The following NEGR1 variants were observed in gnomAD, a reference collection of about 807,000 sequenced individuals.
NEGR1 encodes the protein IgLON family member 4.
NEGR1 carries 10 observed loss-of-function variants against 40.9 expected under a neutral mutation model. The ratio of observed to expected loss-of-function variants is 0.24; its 90% CI spans 0.15 to 0.42. The LOEUF (loss-of-function observed/expected upper bound fraction) is 0.42, where lower values mean the gene tolerates loss of function less well. Among genes scored for constraint, NEGR1 ranks in the 10% least tolerant of loss-of-function variants. The pLI, the probability that NEGR1 is intolerant of heterozygous loss-of-function variation, is 1.00. For synonymous variants in NEGR1, 185 were observed against 166.8 expected (o/e 1.11, Z -0.84); for missense variants, 352 against 438.9 (o/e 0.80, Z 1.77).
intron 1 of NEGR1, among the ~76,000 whole-genome samples, chr1:72,110,259 A>G (rs1649309502): frequency 1.3e-5 from 2 of 151,056 alleles, no homozygotes; most frequent in Non-Finnish European, 3.0e-5. Flanking sequence ...TGTGTATAAA[A>G]ATTATATACA....
chr1:71,491,695 G>T (rs1646928820), intron 6 of NEGR1, among the ~76,000 whole-genome samples: 1 of 151,862 alleles, frequency 6.6e-6, no homozygotes, highest in South Asian at 2.1e-4. Context: ...CACATTTCCA[G>T]CCTGTGTGTA....
chr1:71,784,928 G>C (rs1656857404), intron 2 of NEGR1, among the ~76,000 whole-genome samples: 1 of 152,178 alleles, frequency 6.6e-6, no homozygotes, highest in African/African-American at 2.4e-5. Context: ...CTCGCATGCT[G>C]TACAAACATT....
rs534945706 is a variant in NEGR1 at position 71,443,397 on chromosome 1, C to A, written c.941-35827G>T. Among the ~76,000 whole-genome samples, 22 of 152,212 alleles carry A rather than the reference C, an allele frequency of 1.4e-4. No individual in the cohort carries two copies. In the South Asian group the frequency reaches 3.7e-3, roughly 26 times the overall value. On this transcript the variant is annotated intron_variant, in intron 6 of 6. Transcript: ENST00000357731. ...CCTAAAAATACGTTGCTATCTAATG[C>A]CTTTTACTTTAAATTAATATTTAAA... is the stretch of plus-strand genomic sequence containing the variant.
chr1:71,928,717 A>G (rs903480799), intron 2 of NEGR1, among the ~76,000 whole-genome samples: 2 of 151,906 alleles, frequency 1.3e-5, no homozygotes, highest in African/African-American at 4.8e-5. Context: ...GATCAATAGA[A>G]ATAGAAAAAT....
intron 6 of NEGR1, among the ~76,000 whole-genome samples, chr1:71,566,469 T>C (rs925078214): frequency 6.6e-6 from 1 of 152,190 alleles, no homozygotes. Flanking sequence ...GCTGTGGTGG[T>C]CTGTGTGCAT....
intron 4 of NEGR1, among the ~76,000 whole-genome samples, chr1:71,651,446 A>G (rs1301046956): frequency 6.6e-6 from 1 of 152,182 alleles, no homozygotes; most frequent in Non-Finnish European, 1.5e-5. Flanking sequence ...AGAAATGCAG[A>G]GTCTATAAAC....
rs374025888 is a variant in NEGR1, at chr1:71,407,222, G to A, written c.*224C>T. On this transcript the variant is annotated 3_prime_UTR_variant, in exon 7 of 7. Coordinates refer to ENST00000357731, the MANE Select transcript of NEGR1 (RefSeq NM_173808.3). The stretch of plus-strand genomic sequence containing the variant: ...CTAAAAGTAATTTCAGAGCTTTCAC[G>A]TCTTAAAAAAAGGACAATGTGTACT... The A allele has an allele frequency of 3.4e-4, 121 of 354,284 alleles. No individual in the cohort carries two copies. Among genetic ancestry groups the A allele is most frequent in the African/African-American group, 2.0e-3 (96 of 47,450 alleles). The allele number at this position is 354,284 out of a possible 1,614,324, so 21.9% of individuals were successfully genotyped here.
chr1:72,116,194 A>G (rs1649571752), intron 1 of NEGR1, among the ~76,000 whole-genome samples: 1 of 151,732 alleles, frequency 6.6e-6, no homozygotes, highest in Non-Finnish European at 1.5e-5. Context: ...TTGAGTCATG[A>G]TATAAGACTT....
chr1:72,183,815 A>G (rs1490146766), intron 1 of NEGR1, among the ~76,000 whole-genome samples: 1 of 152,118 alleles, frequency 6.6e-6, no homozygotes, highest in Admixed American at 6.6e-5. Context: ...CTTCTGCTGG[A>G]GGAGCTATAA....
intron 2 of NEGR1, among the ~76,000 whole-genome samples, chr1:71,869,728 G>A (rs2101831732): frequency 6.6e-6 from 1 of 152,020 alleles, no homozygotes; most frequent in Non-Finnish European, 1.5e-5. Context: ...GAAAATAATT[G>A]CTCTAAAGAA....
intron 1 of NEGR1, among the ~76,000 whole-genome samples, chr1:72,260,036 T>C (rs926970226): frequency 6.6e-6 from 1 of 152,102 alleles, no homozygotes; most frequent in Non-Finnish European, 1.5e-5. Flanking sequence ...TCATTTACTA[T>C]GTACTGTGCA....
rs1041864811 is a variant in NEGR1 at position 71,401,424 on chromosome 1, G to A, written c.*6022C>T. 1 of 152,102 alleles carries A rather than the reference G, an allele frequency of 6.6e-6. No individual in the cohort carries two copies. Among genetic ancestry groups the A allele is most frequent in the Non-Finnish European group, 1.5e-5 (1 of 68,012 alleles). The allele number at this position is 152,102 out of a possible 1,614,324, so 9.4% of individuals were successfully genotyped here. ...GAATTAATTTATTCATTTCATAAGT[G>A]TATGAAAATCACACTTTTTATGTTT... On this transcript the variant is annotated 3_prime_UTR_variant, in exon 7 of 7. Coordinates refer to ENST00000357731, the MANE Select transcript of NEGR1 (RefSeq NM_173808.3).
chr1:72,012,240 T>C (rs893812832), intron 1 of NEGR1, among the ~76,000 whole-genome samples: 3 of 152,048 alleles, frequency 2.0e-5, no homozygotes, highest in African/African-American at 7.2e-5. Flanking sequence ...TTATAATGAC[T>C]ATATTAGTGT....
At chr1:71,861,043 C>T (rs1332214524) in intron 2 of NEGR1, among the ~76,000 whole-genome samples, 1 of 152,010 alleles carries the variant, frequency 6.6e-6, no homozygotes, top group Non-Finnish European at 1.5e-5. Flanking sequence ...TGCTTATTTT[C>T]ATCTCACCAT....
chr1:71,696,524 T>G (rs953257454), intron 4 of NEGR1, among the ~76,000 whole-genome samples: 1 of 151,770 alleles, frequency 6.6e-6, no homozygotes, highest in Admixed American at 6.6e-5. Context: ...AAATATTCTT[T>G]CCTTAGTAGA....
intron 2 of NEGR1, among the ~76,000 whole-genome samples, chr1:71,888,384 G>T (rs1008437776): frequency 6.6e-6 from 1 of 151,982 alleles, no homozygotes; most frequent in East Asian, 1.9e-4. Context: ...CCTAAGCAGG[G>T]CGAGGCATTG....
chr1:71,672,884 C>T (rs778656783), intron 4 of NEGR1, among the ~76,000 whole-genome samples: 45 of 152,076 alleles, frequency 3.0e-4, no homozygotes, highest in Non-Finnish European at 6.0e-4. Flanking sequence ...CAACACCTAA[C>T]GGCTTGGCGG....
chr1:71,527,681 A>G (rs193047489), intron 6 of NEGR1, among the ~76,000 whole-genome samples: 28 of 151,380 alleles, frequency 1.8e-4, no homozygotes, highest in Admixed American at 1.8e-3. Flanking sequence ...TAAAGCATTC[A>G]TTCACTAATT....
chr1:71,433,924 A>G (rs186702211), intron 6 of NEGR1, among the ~76,000 whole-genome samples: 58 of 152,362 alleles, frequency 3.8e-4, no homozygotes, highest in Middle Eastern at 3.4e-3. Flanking sequence ...TTTTACCAAA[A>G]TATACTTTTA....
Sources: gnomAD v4.1 joint callset for allele counts (sites outside exome capture counted in the v4.1 genomes callset) on GRCh38, gnomAD v4.1.1 for gene constraint, MANE v1.5 for transcripts, NCBI Gene and HGNC (gene_info 2026-07-23, HGNC 2026-07-21) for gene names.